The following EPHA5 variants were observed in gnomAD, a reference collection of about 807,000 sequenced individuals.
The protein encoded by EPHA5 is ephrin type-A receptor 5.
A neutral mutation model predicts 105.0 loss-of-function variants in EPHA5; 60 were observed. That is an observed-to-expected ratio of 0.57 (90% CI 0.46 to 0.71). The LOEUF (loss-of-function observed/expected upper bound fraction) is 0.71, where lower values mean the gene tolerates loss of function less well. Among genes scored for constraint, EPHA5 ranks in the 30% least tolerant of loss-of-function variants. The pLI, the probability that EPHA5 is intolerant of heterozygous loss-of-function variation, is 0.00. For missense variants in EPHA5, 1,218 were observed against 1,274.7 expected, an observed-to-expected ratio of 0.96 and a Z score of 0.68; for synonymous variants, 513 against 449.1, an observed-to-expected ratio of 1.14 and a Z score of -1.80.
At chr4:65,519,999 A>C (rs1007575530) in intron 3 of EPHA5, among the ~76,000 whole-genome samples, 1 of 152,196 alleles carries the variant, frequency 6.6e-6, no homozygotes, top group Non-Finnish European at 1.5e-5. Context: ...GCTACCAATG[A>C]CTTTCTTCAC....
chr4:65,320,294 A>G lies in EPHA5; in HGVS notation c.*3820T>C, dbSNP rs1719537837. 8.7e-6 allele frequency: 2 copies of G among 230,274 alleles called. No homozygotes were observed. Among genetic ancestry groups the G allele is most frequent in the African/African-American group, 4.4e-5 (2 of 45,114 alleles). 14.3% of individuals were successfully genotyped at this position (230,274 alleles called of 1,614,324 possible). ...GACTTATTTTACTTATTAATGTCAA[A>G]TAAAGCTAGCATTTTGATTCCATTT... On this transcript the variant is annotated 3_prime_UTR_variant, in exon 17 of 17. Coordinates refer to ENST00000613740, the MANE Select transcript of EPHA5 (RefSeq NM_001281766.3).
chr4:65,438,438 C>T (rs1409516251), intron 5 of EPHA5, among the ~76,000 whole-genome samples: 1 of 151,020 alleles, frequency 6.6e-6, no homozygotes, highest in East Asian at 1.9e-4. Flanking sequence ...ATATATGTAT[C>T]CATATATATA....
intron 5 of EPHA5, among the ~76,000 whole-genome samples, chr4:65,484,629 C>A (rs2149197770): frequency 6.6e-6 from 1 of 152,152 alleles, no homozygotes; most frequent in South Asian, 2.1e-4. Flanking sequence ...GAATTCTGTA[C>A]CTTGGCATGT....
intron 2 of EPHA5, among the ~76,000 whole-genome samples, chr4:65,611,524 CAAAAAAAAA>C (rs5858974): frequency 1.7e-5 from 2 of 117,862 alleles, no homozygotes; most frequent in Admixed American, 8.5e-5. Context: ...GTTGTTCTGG[CAAAAAAAAA>C]AAAAAAAAAG....
intron 1 of EPHA5, among the ~76,000 whole-genome samples, chr4:65,643,664 C>T (rs1416410159): frequency 6.6e-6 from 1 of 151,282 alleles, no homozygotes. Context: ...AATCATTACC[C>T]TAATTTTTTT....
At chr4:65,578,226 C>T (rs967224435) in intron 3 of EPHA5, among the ~76,000 whole-genome samples, 5 of 152,122 alleles carry the variant, frequency 3.3e-5, no homozygotes, top group Admixed American at 3.3e-4. Flanking sequence ...CATCCCTAGT[C>T]TTTTTCTTTT....
chr4:65,446,156 A>T (rs1432688275), intron 5 of EPHA5, among the ~76,000 whole-genome samples: 1 of 152,156 alleles, frequency 6.6e-6, no homozygotes, highest in Non-Finnish European at 1.5e-5. Flanking sequence ...AATGGGTTAC[A>T]ATGCCTTCAA....
intron 5 of EPHA5, among the ~76,000 whole-genome samples, chr4:65,462,280 A>T (rs1039046458): frequency 6.6e-6 from 1 of 152,184 alleles, no homozygotes; most frequent in African/African-American, 2.4e-5. Context: ...CAGTAAGAAG[A>T]ACAATTATAA....
At chr4:65,435,736 T>C (rs1013443720) in intron 5 of EPHA5, among the ~76,000 whole-genome samples, 2 of 152,018 alleles carry the variant, frequency 1.3e-5, no homozygotes, top group South Asian at 2.1e-4. Context: ...CCTTTTTATA[T>C]GTAAAATTAG....
intron 3 of EPHA5, among the ~76,000 whole-genome samples, chr4:65,527,442 T>C (rs1054783101): frequency 2.0e-5 from 3 of 152,068 alleles, no homozygotes; most frequent in South Asian, 2.1e-4. Context: ...AGCAAATACA[T>C]GGAGTACAAA....
intron 5 of EPHA5, among the ~76,000 whole-genome samples, chr4:65,444,387 A>C (rs1214293303): frequency 1.3e-5 from 2 of 152,168 alleles, no homozygotes; most frequent in Admixed American, 1.3e-4. Flanking sequence ...CTTTCATTTG[A>C]ATAATCTCAT....
chr4:65,497,271 A>T (rs140732018), intron 3 of EPHA5, among the ~76,000 whole-genome samples: 1 of 152,152 alleles, frequency 6.6e-6, no homozygotes, highest in African/African-American at 2.4e-5. Context: ...AAATGATTTC[A>T]TGTTTTAGTA....
intron 5 of EPHA5, among the ~76,000 whole-genome samples, chr4:65,441,126 T>C (rs1479496109): frequency 6.6e-6 from 1 of 152,136 alleles, no homozygotes; most frequent in Admixed American, 6.6e-5. Flanking sequence ...ACTATATTAA[T>C]TTTCTAATAA....
At chr4:65,532,056 G>A (rs1578354074) in intron 3 of EPHA5, among the ~76,000 whole-genome samples, 1 of 152,016 alleles carries the variant, frequency 6.6e-6, no homozygotes, top group Admixed American at 6.6e-5. Context: ...ATCTTATTGT[G>A]CCATAATTAA....
At position 65,574,408 on chromosome 4, in the gene EPHA5, C is replaced by A. The variant is rs1046475299; in HGVS notation, c.910+27233G>T. ...AAAAATAAAAAAATAAAAAAATACT[C>A]AAATAACTCAAATACATGTATTCAT... is the stretch of plus-strand genomic sequence containing the variant. On this transcript the variant is annotated intron_variant, in intron 3 of 16. Transcript: ENST00000613740. The A allele has an allele frequency of 2.0e-5, 11 of 544,326 alleles. No homozygotes were observed. In the Admixed American group the frequency reaches 2.1e-4, roughly 11 times the overall value. The allele number at this position is 544,326 out of a possible 1,614,324, so 33.7% of individuals were successfully genotyped here.
chr4:65,518,923 C>A (rs1433935648), intron 3 of EPHA5, among the ~76,000 whole-genome samples: 2 of 152,078 alleles, frequency 1.3e-5, no homozygotes, highest in Admixed American at 6.6e-5. Flanking sequence ...TGAAACTATT[C>A]CAACCAATAG....
rs187472065 is a variant in EPHA5 at position 65,495,355 on chromosome 4, T to C, written c.1066+33A>G. ...GCTGTTTCCTCAAAACTGGTTAAAG[T>C]TAGCACCACCAAATATCCGTGGGTT... On this transcript the variant is annotated intron_variant, in intron 4 of 16. Transcript: ENST00000613740. The C allele has an allele frequency of 2.4e-4, 382 of 1,600,130 alleles. 1 individual carries two copies. The African/African-American group carries it at 4.7e-3, about 20-fold the overall frequency.
intron 1 of EPHA5, among the ~76,000 whole-genome samples, chr4:65,645,709 T>C (rs574701552): frequency 9.9e-5 from 15 of 152,170 alleles, no homozygotes; most frequent in African/African-American, 3.6e-4. Flanking sequence ...TTGAGTGTTC[T>C]CAATGTCGGA....
chr4:65,395,038 A>T (rs373008605), intron 8 of EPHA5, among the ~76,000 whole-genome samples: 1 of 152,192 alleles, frequency 6.6e-6, no homozygotes, highest in Non-Finnish European at 1.5e-5. Context: ...TCTGACATAA[A>T]TATTTTATTT....
Sources: allele counts gnomAD v4.1 joint callset (sites outside exome capture counted in the v4.1 genomes callset), GRCh38; gene constraint gnomAD v4.1.1; transcripts MANE v1.5; gene names NCBI Gene and HGNC (gene_info 2026-07-23, HGNC 2026-07-21).